Variants in NUDC observed in about 807,000 individuals in gnomAD.
NUDC encodes the protein nuclear distribution C, dynein complex regulator.
Under a neutral mutation model 45.0 loss-of-function variants are expected in NUDC, and 14 were observed. The ratio of observed to expected loss-of-function variants is 0.31; its 90% CI spans 0.21 to 0.49. The LOEUF (loss-of-function observed/expected upper bound fraction) is 0.49, where lower values mean the gene tolerates loss of function less well. Among genes scored for constraint, NUDC ranks in the 20% least tolerant of loss-of-function variants. The pLI is 0.99. For synonymous variants in NUDC, 153 were observed against 156.7 expected (o/e 0.98, Z 0.17); for missense variants, 323 against 426.2 (o/e 0.76, Z 2.13).
chr1:26,920,776 C>CAAAA (rs758430801), upstream of NUDC, among the ~76,000 whole-genome samples: 3 of 133,726 alleles, frequency 2.2e-5, no homozygotes, highest in Non-Finnish European at 4.9e-5. Context: ...AAACAAAAAA[C>CAAAA]AAAAAAAAAA....
At chr1:26,941,964 C>T in intron 4 of NUDC, 146 bp downstream of exon 4, 1 of 824,064 alleles carries the variant, frequency 1.2e-6, no homozygotes, top group Non-Finnish European at 2.0e-6. Context: ...TTTAAGATCA[C>T]ACTCAGAGAC....
chr1:26,900,516 G>T, intron 1 of NUDC: 1 of 1,278,738 alleles, frequency 7.8e-7, no homozygotes, highest in Non-Finnish European at 1.1e-6. Flanking sequence ...CCCCTGCGTT[G>T]CGAGATTGTG....
In NUDC at chr1:26,927,302, T is replaced by TGC. The variant is rs1394770692; in HGVS notation, c.159+3137_159+3138insCG. On this transcript the variant is annotated intron_variant, in intron 2 of 8. Coordinates refer to ENST00000321265, the MANE Select transcript of NUDC (RefSeq NM_006600.4). ...GTGTGTGTGTGTGTGTGTGTGTGTG[T>TGC]GTCAGGGTCTTGCTCTGTTGTCCCA... 7.6e-4 allele frequency among the ~76,000 whole-genome samples: 115 copies of TGC among 151,452 alleles called. 2 individuals are homozygous for TGC. The highest frequency in any genetic ancestry group is 1.3e-3 in the Non-Finnish European group (91 of 67,818).
At chr1:26,930,913 A>G (rs1232370804) in intron 2 of NUDC, among the ~76,000 whole-genome samples, 3 of 151,384 alleles carry the variant, frequency 2.0e-5, no homozygotes, top group African/African-American at 4.9e-5. Flanking sequence ...CTACTCGAGA[A>G]GCTGAGGTGG....
chr1:26,944,475 G>A (rs1439331475), intron 6 of NUDC, among the ~76,000 whole-genome samples: 1 of 152,154 alleles, frequency 6.6e-6, no homozygotes, highest in Non-Finnish European at 1.5e-5. Context: ...TGGGATTACA[G>A]GTAGGAGCCA....
chr1:26,930,710 CAAAAA>C (rs35636381), intron 2 of NUDC, among the ~76,000 whole-genome samples: 2 of 111,686 alleles, frequency 1.8e-5, no homozygotes, highest in Non-Finnish European at 1.8e-5. Context: ...AACCCTGTCT[CAAAAA>C]AAAAAAAAAA....
chr1:26,929,729 A>G lies in NUDC; in HGVS notation c.159+5563A>G, dbSNP rs548202808. The G allele has an allele frequency of 2.3e-3, 1,040 of 452,514 alleles. 15 individuals are homozygous for G. Among genetic ancestry groups the G allele is most frequent in the Middle Eastern group, 0.012 (35 of 2,924 alleles). 28.0% of individuals were successfully genotyped at this position (452,514 alleles called of 1,614,324 possible). Reference sequence around the variant, plus strand: ...TCTAAAAGAAAAGTTACTGTTTAAAAACATAACTGTAGGGCCGGGCACAGT... The same window carrying G: ...TCTAAAAGAAAAGTTACTGTTTAAAGACATAACTGTAGGGCCGGGCACAGT... On this transcript the variant is annotated intron_variant, in intron 2 of 8. Transcript: ENST00000321265.
upstream of NUDC, among the ~76,000 whole-genome samples, chr1:26,920,378 C>T (rs1441463333): frequency 1.3e-5 from 2 of 151,876 alleles, no homozygotes; most frequent in Admixed American, 6.6e-5. Flanking sequence ...ATCCCAGCTA[C>T]TTGGGAGGCT....
intron 1 of NUDC, among the ~76,000 whole-genome samples, chr1:26,923,152 AG>A (rs1476951187): frequency 6.6e-6 from 1 of 152,182 alleles, no homozygotes; most frequent in African/African-American, 2.4e-5. Context: ...TGCAGGTGGC[AG>A]ACAGACTAAG....
intron 2 of NUDC, among the ~76,000 whole-genome samples, chr1:26,926,218 T>G (rs1234430740): frequency 6.6e-6 from 1 of 152,164 alleles, no homozygotes; most frequent in Non-Finnish European, 1.5e-5. Flanking sequence ...AGAGACATAA[T>G]AAGAAGGAGA....
intron 2 of NUDC, among the ~76,000 whole-genome samples, chr1:26,940,781 G>C (rs1337304342): frequency 6.6e-6 from 1 of 152,154 alleles, no homozygotes; most frequent in Non-Finnish European, 1.5e-5. Context: ...CACCTCCCTA[G>C]TTCAAGCAAT....
chr1:26,900,575 G>A (rs1271770077), intron 1 of NUDC: 5 of 707,748 alleles, frequency 7.1e-6, no homozygotes, highest in East Asian at 2.7e-5. Context: ...CCTGGAGCTG[G>A]AAGATCCGAA....
In NUDC at chr1:26,916,388, T is replaced by TAA. The variant is rs940580610; in HGVS notation, c.93+5161_93+5162dup. Among the ~76,000 whole-genome samples, 5 of 149,536 alleles carry TAA rather than the reference T, an allele frequency of 3.3e-5. No homozygotes were observed. The South Asian group carries it at 6.4e-4, about 19-fold the overall frequency. ...GCTCTAGACAGAGCAAGACTCTGTC[T>TAA]AAAAAAAAACGAAAAAACCCCACAC... On this transcript the variant is annotated intron_variant, in intron 3 of 6. Coordinates refer to the NUDC transcript ENST00000435827.
chr1:26,908,934 C>T (rs1233725405), intron 2 of NUDC, among the ~76,000 whole-genome samples: 2 of 151,434 alleles, frequency 1.3e-5, no homozygotes, highest in Non-Finnish European at 2.9e-5. Flanking sequence ...ACCATCTTGG[C>T]CAGGCTGGTC....
Position 26,921,867 on chromosome 1 carries a change from GAGGAGC to G in NUDC, c.20_25del (p.Glu7_Arg9delinsGly). On this transcript the variant is annotated inframe_deletion, in exon 1 of 9. Coordinates refer to ENST00000321265, the MANE Select transcript of NUDC (RefSeq NM_006600.4). ...CGGCGCGATGGGCGGAGAGCAGGAGGAGGAGCGGTTCGACGGCATGTTGCTGGCCAT... is the reference window on the plus strand; with the variant it reads ...CGGCGCGATGGGCGGAGAGCAGGAGGGGTTCGACGGCATGTTGCTGGCCAT... 1 of 1,554,642 alleles carries G rather than the reference GAGGAGC, an allele frequency of 6.4e-7. No homozygotes were observed.
intron 8 of NUDC, 73 bp from the exon 9 acceptor site, chr1:26,946,057 A>C: frequency 6.9e-7 from 1 of 1,443,874 alleles, no homozygotes; most frequent in East Asian, 2.3e-5. Context: ...TAGACTTGAC[A>C]CGGGGGTGCT....
At chr1:26,913,667 A>C in intron 3 of NUDC, 2 of 1,613,680 alleles carry the variant, frequency 1.2e-6, no homozygotes, top group Non-Finnish European at 1.7e-6. Context: ...AGGGGGCCCC[A>C]GCAACCCTGC....
intron 6 of NUDC, among the ~76,000 whole-genome samples, chr1:26,944,358 C>G (rs1302108544): frequency 6.6e-6 from 1 of 152,096 alleles, no homozygotes; most frequent in East Asian, 1.9e-4. Flanking sequence ...GCCACCCTAC[C>G]TGGCTAATTT....
intron 2 of NUDC, among the ~76,000 whole-genome samples, chr1:26,935,168 G>A (rs572832321): frequency 2.0e-5 from 3 of 151,824 alleles, no homozygotes. Flanking sequence ...TTTTAGTAGA[G>A]ACAGGGTTTC....
Sources: gnomAD v4.1 joint callset for allele counts (sites outside exome capture counted in the v4.1 genomes callset) on GRCh38, gnomAD v4.1.1 for gene constraint, MANE v1.5 for transcripts, NCBI Gene and HGNC (gene_info 2026-07-23, HGNC 2026-07-21) for gene names.